The following PRDM5 variants were observed in gnomAD, a reference collection of about 807,000 sequenced individuals.
PRDM5 encodes PR domain zinc finger protein 5.
In PRDM5, 56 loss-of-function variants were observed where a neutral mutation model predicts 81.2. The observed-to-expected ratio is 0.69, with a 90% CI of 0.56 to 0.86. The LOEUF (loss-of-function observed/expected upper bound fraction) is 0.86. PRDM5 is among the 40% of genes least tolerant of loss of function. The pLI, the probability that PRDM5 is intolerant of heterozygous loss-of-function variation, is 0.00. For missense variants in PRDM5, 697 were observed against 770.1 expected (o/e 0.91, Z 1.12); for synonymous variants, 267 against 256.4 (o/e 1.04, Z -0.39).
chr4:120,883,731 TA>T (rs931896983), intron 2 of PRDM5, among the ~76,000 whole-genome samples: 1 of 151,858 alleles, frequency 6.6e-6, no homozygotes, highest in Non-Finnish European at 1.5e-5. Context: ...TAAAGTATAA[TA>T]AAAAAAAGAA....
intron 2 of PRDM5, among the ~76,000 whole-genome samples, chr4:120,880,803 C>T (rs747383719): frequency 5.3e-5 from 8 of 152,014 alleles, no homozygotes; most frequent in Non-Finnish European, 8.8e-5. Flanking sequence ...AAAGCTGGTT[C>T]GTCTTTTTTT....
chr4:120,840,581 C>T (rs371200057), intron 3 of PRDM5, among the ~76,000 whole-genome samples: 4 of 152,278 alleles, frequency 2.6e-5, no homozygotes, highest in East Asian at 1.9e-4. Flanking sequence ...GCCCCAGCTC[C>T]GTGACCCAGG....
intron 2 of PRDM5, among the ~76,000 whole-genome samples, chr4:120,867,167 A>AT (rs1761272414): frequency 6.6e-6 from 1 of 152,140 alleles, no homozygotes; most frequent in South Asian, 2.1e-4. Context: ...AAGCCTCCTA[A>AT]TAAGAACCCA....
chr4:120,901,903 A>T (rs556814899), intron 2 of PRDM5, among the ~76,000 whole-genome samples: 1 of 152,338 alleles, frequency 6.6e-6, no homozygotes, highest in Admixed American at 6.5e-5. Context: ...ATCCACAGAA[A>T]CGTTCAAAGA....
intron 14 of PRDM5, among the ~76,000 whole-genome samples, chr4:120,722,241 C>T (rs750568438): frequency 3.9e-5 from 6 of 152,120 alleles, no homozygotes; most frequent in South Asian, 2.1e-4. Flanking sequence ...AACCTCAGCA[C>T]GGATCAGAAC....
intron 11 of PRDM5, among the ~76,000 whole-genome samples, chr4:120,782,766 G>C (rs541128089): frequency 2.0e-5 from 3 of 152,050 alleles, no homozygotes; most frequent in Non-Finnish European, 4.4e-5. Flanking sequence ...ATAAAAGACT[G>C]TAAACATTAA....
intron 14 of PRDM5, among the ~76,000 whole-genome samples, chr4:120,745,195 A>G (rs2149122797): frequency 8.7e-6 from 1 of 115,046 alleles, no homozygotes; most frequent in Middle Eastern, 3.8e-3. Context: ...TGATTATCTC[A>G]ATAGATGCAG....
intron 13 of PRDM5, among the ~76,000 whole-genome samples, chr4:120,763,614 C>T (rs768834304): frequency 6.6e-6 from 1 of 152,120 alleles, no homozygotes; most frequent in Admixed American, 6.5e-5. Flanking sequence ...CAATTTAAGT[C>T]AAGGAAGAAA....
intron 13 of PRDM5, among the ~76,000 whole-genome samples, chr4:120,770,698 T>A (rs1367452023): frequency 6.6e-6 from 1 of 152,128 alleles, no homozygotes; most frequent in Non-Finnish European, 1.5e-5. Context: ...TAATTTCTCT[T>A]TTTTAACATG....
intron 1 of PRDM5, among the ~76,000 whole-genome samples, chr4:120,919,803 G>C (rs1243834654): frequency 6.6e-6 from 1 of 152,070 alleles, no homozygotes; most frequent in East Asian, 1.9e-4. Flanking sequence ...CATGCAAAAA[G>C]TGTCAATTTC....
At chr4:120,803,242 G>A (rs777832174) in intron 8 of PRDM5, among the ~76,000 whole-genome samples, 8 of 152,204 alleles carry the variant, frequency 5.3e-5, no homozygotes, top group Non-Finnish European at 1.2e-4. Context: ...TGTTGTACCT[G>A]AAAGTGACAG....
At chr4:120,799,059 T>A (rs1422536479) in intron 9 of PRDM5, among the ~76,000 whole-genome samples, 1 of 152,228 alleles carries the variant, frequency 6.6e-6, no homozygotes, top group Non-Finnish European at 1.5e-5. Context: ...AAATTACAGA[T>A]ATCTTAAACT....
At position 120,700,061 on chromosome 4, in the gene PRDM5, G is replaced by A. The variant is rs758813254; in HGVS notation, c.1729-4786C>T. ...TTTCAAACTATACTATAAGGCTACA[G>A]TAACCAAAACAGCAGGATGCTAGTA... On this transcript the variant is annotated intron_variant, in intron 15 of 15. Transcript: ENST00000264808. Among the ~76,000 whole-genome samples, 10 of 152,270 alleles carry A rather than the reference G, an allele frequency of 6.6e-5. No individual in the cohort carries two copies. In the South Asian group the frequency reaches 1.5e-3, roughly 22 times the overall value.
intron 8 of PRDM5, among the ~76,000 whole-genome samples, chr4:120,808,071 C>T (rs1374375370): frequency 6.6e-6 from 1 of 152,106 alleles, no homozygotes; most frequent in African/African-American, 2.4e-5. Flanking sequence ...AGTGTGGACC[C>T]AAAGAGTGAG....
chr4:120,726,555 G>T (rs1235128274), intron 14 of PRDM5, among the ~76,000 whole-genome samples: 1 of 152,138 alleles, frequency 6.6e-6, no homozygotes, highest in Admixed American at 6.5e-5. Context: ...TCTACTAATA[G>T]CCAGGTATCC....
chr4:120,749,444 C>A (rs1743640013), intron 14 of PRDM5, among the ~76,000 whole-genome samples: 3 of 152,088 alleles, frequency 2.0e-5, no homozygotes, highest in African/African-American at 7.2e-5. Flanking sequence ...CCTTAGAGAG[C>A]CCCCAGGTGG....
intron 14 of PRDM5, among the ~76,000 whole-genome samples, chr4:120,728,441 G>GTA (rs1739765756): frequency 6.6e-6 from 1 of 151,914 alleles, no homozygotes; most frequent in Admixed American, 6.6e-5. Context: ...ATGTGTGTGT[G>GTA]TATATATACA....
chr4:120,846,456 T>C (rs534883957), intron 3 of PRDM5, among the ~76,000 whole-genome samples: 104 of 152,324 alleles, frequency 6.8e-4, no homozygotes, highest in Non-Finnish European at 1.2e-3. Context: ...TCTAACTCAT[T>C]GAAGGCTCAG....
chr4:120,747,471 A>T (rs1743299864), intron 14 of PRDM5, among the ~76,000 whole-genome samples: 1 of 151,850 alleles, frequency 6.6e-6, no homozygotes, highest in Admixed American at 6.6e-5. Flanking sequence ...AAATAAATAA[A>T]TTTTTGGGGG....
Sources: allele counts gnomAD v4.1 joint callset (sites outside exome capture counted in the v4.1 genomes callset), GRCh38; gene constraint gnomAD v4.1.1; transcripts MANE v1.5; gene names NCBI Gene and HGNC (gene_info 2026-07-23, HGNC 2026-07-21).